SRBD1: variants seen among roughly 807,000 people sequenced by gnomAD.
SRBD1 encodes S1 RNA binding domain 1.
Under a neutral mutation model 115.3 loss-of-function variants are expected in SRBD1, and 88 were observed. That is an observed-to-expected ratio of 0.76 (90% CI 0.64 to 0.91). The LOEUF (loss-of-function observed/expected upper bound fraction) is 0.91. Ranked by LOEUF, SRBD1 falls within the 40% of genes least tolerant of loss-of-function variation. The pLI is 0.00. For missense variants in SRBD1, 1,385 were observed against 1,177.4 expected, an observed-to-expected ratio of 1.18 and a Z score of -2.58; for synonymous variants, 509 against 407.7, an observed-to-expected ratio of 1.25 and a Z score of -2.99.
At chr2:45,509,562 C>A (rs954143595) in intron 14 of SRBD1, among the ~76,000 whole-genome samples, 1 of 138,778 alleles carries the variant, frequency 7.2e-6, no homozygotes, top group Non-Finnish European at 1.6e-5. Flanking sequence ...CACCACTGCA[C>A]TCCAGCCTGG....
chr2:45,514,487 C>T (rs1350793231), intron 14 of SRBD1, among the ~76,000 whole-genome samples: 2 of 152,124 alleles, frequency 1.3e-5, no homozygotes, highest in African/African-American at 2.4e-5. Context: ...TTTACCACTG[C>T]GTTTAACTCC....
At chr2:45,519,037 A>G (rs1204270732) in intron 14 of SRBD1, among the ~76,000 whole-genome samples, 3 of 152,060 alleles carry the variant, frequency 2.0e-5, no homozygotes, top group Non-Finnish European at 2.9e-5. Context: ...GAAAGCCTAG[A>G]AAATTGGTAG....
At chr2:45,395,298 T>A (rs1390845550) in intron 19 of SRBD1, among the ~76,000 whole-genome samples, 1 of 152,170 alleles carries the variant, frequency 6.6e-6, no homozygotes, top group African/African-American at 2.4e-5. Flanking sequence ...TTAATAAAAG[T>A]AACTAAATGG....
At chr2:45,557,368 C>T (rs1292485130) in intron 10 of SRBD1, among the ~76,000 whole-genome samples, 1 of 152,130 alleles carries the variant, frequency 6.6e-6, no homozygotes, top group Non-Finnish European at 1.5e-5. Flanking sequence ...TAAGGTGTTG[C>T]CCTTTAAGCC....
intron 15 of SRBD1, among the ~76,000 whole-genome samples, chr2:45,485,545 C>T (rs1670092461): frequency 6.6e-6 from 1 of 152,136 alleles, no homozygotes; most frequent in Non-Finnish European, 1.5e-5. Flanking sequence ...TCTACTATAT[C>T]CATCCAATTT....
At chr2:45,551,408 G>A in intron 11 of SRBD1, 126 bp from the exon 12 acceptor site, 1 of 967,440 alleles carries the variant, frequency 1.0e-6, no homozygotes, top group East Asian at 2.8e-5. Flanking sequence ...TAACTTAAGA[G>A]AAAAATATAC....
In SRBD1 at chr2:45,582,401, A is replaced by G. The variant is rs537237293; in HGVS notation, c.816-591T>C. ...ACAAATGATTTTGATTTGTCTCATT[A>G]CTAATTAACTTTGATCATTTGATTA... On this transcript the variant is annotated intron_variant, in intron 5 of 20. Transcript: ENST00000263736. Among the ~76,000 whole-genome samples, 15 of 152,300 alleles carry G rather than the reference A, an allele frequency of 9.8e-5. 1 individual carries two copies. The South Asian group carries it at 1.2e-3, about 13-fold the overall frequency.
intron 16 of SRBD1, among the ~76,000 whole-genome samples, chr2:45,446,811 CACTGGGTGGT>C (rs1668839563): frequency 6.6e-6 from 1 of 151,822 alleles, no homozygotes. Context: ...CCATCAATAC[CACTGGGTGGT>C]AGAAGGCAAA....
chr2:45,454,631 T>C (rs1669097029), intron 16 of SRBD1, among the ~76,000 whole-genome samples: 1 of 151,802 alleles, frequency 6.6e-6, no homozygotes, highest in African/African-American at 2.4e-5. Context: ...ACTTACACTC[T>C]GCTTGCAGGT....
At chr2:45,547,731 C>A in intron 12 of SRBD1, 119 bp from the exon 13 acceptor site, 1 of 714,152 alleles carries the variant, frequency 1.4e-6, no homozygotes, top group Non-Finnish European at 2.3e-6. Context: ...ATAATGAAGT[C>A]TGAACTATTC....
At chr2:45,398,023 C>T (rs922917897) in intron 19 of SRBD1, among the ~76,000 whole-genome samples, 1 of 152,094 alleles carries the variant, frequency 6.6e-6, no homozygotes, top group Non-Finnish European at 1.5e-5. Flanking sequence ...TATAGAGAGG[C>T]CCACAGAACT....
intron 16 of SRBD1, among the ~76,000 whole-genome samples, chr2:45,472,639 C>G (rs543824498): frequency 2.4e-4 from 37 of 152,270 alleles, no homozygotes; most frequent in South Asian, 1.7e-3. Flanking sequence ...TGTCACCATG[C>G]CTAGCTTCAA....
At chr2:45,589,639 C>A (rs1398564587) in intron 4 of SRBD1, among the ~76,000 whole-genome samples, 1 of 152,178 alleles carries the variant, frequency 6.6e-6, no homozygotes, top group Non-Finnish European at 1.5e-5. Flanking sequence ...ATCCATATGG[C>A]ATCATGTATG....
At chr2:45,485,290 T>C (rs142686568) in intron 15 of SRBD1, among the ~76,000 whole-genome samples, 1,904 of 152,334 alleles carry the variant, frequency 0.012, 21 homozygotes, top group Non-Finnish European at 0.016. Context: ...CAATGCTGTC[T>C]TAGAATTCAA....
intron 14 of SRBD1, among the ~76,000 whole-genome samples, chr2:45,516,507 A>AAC (rs200525927): frequency 2.2e-4 from 33 of 152,064 alleles, no homozygotes; most frequent in African/African-American, 7.5e-4. Flanking sequence ...TAAATTATGT[A>AAC]ACACACACAC....
rs533593922 is a variant in SRBD1 at position 45,576,588 on chromosome 2, T to A, written c.1073-1865A>T. Among the ~76,000 whole-genome samples, 49 of 152,358 alleles carry A rather than the reference T, an allele frequency of 3.2e-4. 2 individuals carry two copies. In the South Asian group the frequency reaches 7.0e-3, roughly 22 times the overall value. Reference sequence around the variant, plus strand: ...TATGAGGGAATTTTCAGTAACAAATTACCTTTACAAGATGGGAGACTGTAT... The same window carrying A: ...TATGAGGGAATTTTCAGTAACAAATAACCTTTACAAGATGGGAGACTGTAT... On this transcript the variant is annotated intron_variant, in intron 7 of 20. Transcript: ENST00000263736.
At chr2:45,470,275 T>G (rs1669606591) in intron 16 of SRBD1, among the ~76,000 whole-genome samples, 1 of 152,166 alleles carries the variant, frequency 6.6e-6, no homozygotes, top group Admixed American at 6.6e-5. Flanking sequence ...AGAGCAGGAA[T>G]GAAAGAAAAT....
intron 14 of SRBD1, among the ~76,000 whole-genome samples, chr2:45,527,133 T>G (rs1330928574): frequency 5.9e-5 from 9 of 151,908 alleles, no homozygotes. Context: ...CACAGAAGGT[T>G]CTTACATATA....
chr2:45,409,255 A>T (rs114663394), intron 19 of SRBD1, among the ~76,000 whole-genome samples: 2 of 151,702 alleles, frequency 1.3e-5, no homozygotes, highest in African/African-American at 4.8e-5. Context: ...CCTCCCCCCA[A>T]AAAAAGATAG....
Sources: gnomAD v4.1 joint callset for allele counts (sites outside exome capture counted in the v4.1 genomes callset) on GRCh38, gnomAD v4.1.1 for gene constraint, MANE v1.5 for transcripts, NCBI Gene and HGNC (gene_info 2026-07-23, HGNC 2026-07-21) for gene names.